SRPK1: variants seen among roughly 807,000 people sequenced by gnomAD.
The protein encoded by SRPK1 is SFRS protein kinase 1.
In SRPK1, 52 loss-of-function variants were observed where a neutral mutation model predicts 89.5. The observed-to-expected ratio is 0.58, with a 90% CI of 0.46 to 0.73. SRPK1 has a LOEUF of 0.73. Among genes scored for constraint, SRPK1 ranks in the 30% least tolerant of loss-of-function variants. The pLI, the probability that SRPK1 is intolerant of heterozygous loss-of-function variation, is 0.00. For missense variants in SRPK1, 603 were observed against 780.6 expected, an observed-to-expected ratio of 0.77 and a Z score of 2.71; for synonymous variants, 255 against 270.2, an observed-to-expected ratio of 0.94 and a Z score of 0.55.
intron 5 of SRPK1, among the ~76,000 whole-genome samples, chr6:35,887,612 G>T (rs1770437262): frequency 6.6e-6 from 1 of 152,010 alleles, no homozygotes; most frequent in East Asian, 1.9e-4. Flanking sequence ...AATGGAATCA[G>T]TAAATACAGT....
chr6:35,916,921 G>C (rs375546376), intron 2 of SRPK1, among the ~76,000 whole-genome samples: 3 of 152,120 alleles, frequency 2.0e-5, no homozygotes, highest in Non-Finnish European at 4.4e-5. Context: ...TTAGCCGGGC[G>C]TGGTGGCAGG....
intron 13 of SRPK1, among the ~76,000 whole-genome samples, chr6:35,846,720 C>T (rs1477945793): frequency 6.6e-6 from 1 of 151,968 alleles, no homozygotes; most frequent in African/African-American, 2.4e-5. Context: ...GACAATATAA[C>T]CTACAAAGAT....
At chr6:35,864,473 GA>G (rs1197867115) in intron 12 of SRPK1, among the ~76,000 whole-genome samples, 2 of 152,236 alleles carry the variant, frequency 1.3e-5, no homozygotes, top group African/African-American at 4.8e-5. Context: ...GACCATCAGA[GA>G]AAGGCAAATC....
intron 13 of SRPK1, among the ~76,000 whole-genome samples, chr6:35,844,423 G>T (rs1245078717): frequency 6.6e-6 from 1 of 152,150 alleles, no homozygotes; most frequent in East Asian, 1.9e-4. Flanking sequence ...CTCAAGAACT[G>T]TAGAGTCCAG....
intron 2 of SRPK1, among the ~76,000 whole-genome samples, chr6:35,902,819 CA>C (rs1269647547): frequency 1.4e-4 from 22 of 152,098 alleles, no homozygotes; most frequent in African/African-American, 5.1e-4. Flanking sequence ...AAGAAAAATG[CA>C]AAATACAATT....
intron 13 of SRPK1, among the ~76,000 whole-genome samples, chr6:35,850,668 C>G (rs1298061501): frequency 2.0e-5 from 3 of 151,904 alleles, no homozygotes; most frequent in Non-Finnish European, 4.4e-5. Context: ...TTCCAAAATG[C>G]ATATGTCTAC....
At chr6:35,854,261 C>G (rs1473181408) in intron 13 of SRPK1, among the ~76,000 whole-genome samples, 1 of 151,954 alleles carries the variant, frequency 6.6e-6, no homozygotes, top group Non-Finnish European at 1.5e-5. Context: ...CCCCTTTTCC[C>G]TTTTTATAAC....
intron 2 of SRPK1, chr6:35,904,866 C>A: frequency 3.2e-6 from 1 of 309,664 alleles, no homozygotes; most frequent in Non-Finnish European, 6.3e-6. Flanking sequence ...GGGCTGGGCA[C>A]TGTGGCTCAC....
chr6:35,880,746 A>AAAAAAAAAG (rs1770263877), intron 6 of SRPK1, among the ~76,000 whole-genome samples: 4 of 89,224 alleles, frequency 4.5e-5, no homozygotes, highest in Non-Finnish European at 6.7e-5. Flanking sequence ...AAAAAAAAAA[A>AAAAAAAAAG]AAAAGAAAAG....
Position 35,842,606 on chromosome 6 carries a change from TA to T in SRPK1, c.1621-3del, listed in dbSNP as rs371577081. 6.0e-3 allele frequency: 7,489 copies of T among 1,255,604 alleles called. No individual in the cohort carries two copies. The highest frequency in any genetic ancestry group is 0.018 in the South Asian group (1,153 of 64,960). The allele number at this position is 1,255,604 out of a possible 1,614,324, so 77.8% of individuals were successfully genotyped here. A position where few individuals can be genotyped will look rare whatever the true frequency, so the allele number is the denominator to read the frequency against. ...GTCACCTGTGGCCAGTTCAAAGGCC[TA>T]AAAAAAAAAGAGGACAGTATATGAA... On this transcript the variant is annotated splice_region_variant and splice_polypyrimidine_tract_variant and intron_variant, in intron 13 of 15. Coordinates refer to ENST00000373825, the MANE Select transcript of SRPK1 (RefSeq NM_003137.5).
chr6:35,859,285 T>C (rs1769727085), intron 12 of SRPK1, among the ~76,000 whole-genome samples: 1 of 152,170 alleles, frequency 6.6e-6, no homozygotes, highest in Admixed American at 6.5e-5. Context: ...TAAAGGTAAA[T>C]ACTGTTAAGG....
intron 2 of SRPK1, among the ~76,000 whole-genome samples, chr6:35,909,656 T>A (rs1193640555): frequency 1.3e-5 from 2 of 152,192 alleles, no homozygotes; most frequent in Non-Finnish European, 2.9e-5. Context: ...AATACCCACA[T>A]GTCATGGGAG....
intron 1 of SRPK1, 34 bp from the exon 2 acceptor site, chr6:35,920,562 T>C (rs751922497): frequency 2.5e-6 from 4 of 1,606,500 alleles, no homozygotes; most frequent in Non-Finnish European, 3.4e-6. Context: ...AGGGCGAATG[T>C]GGAGGAAAGG....
At chr6:35,866,441 C>T (rs1017694901) in intron 12 of SRPK1, among the ~76,000 whole-genome samples, 4 of 152,010 alleles carry the variant, frequency 2.6e-5, no homozygotes, top group Non-Finnish European at 2.9e-5. Context: ...AAAAATTAGC[C>T]GGCTGTGGCG....
At chr6:35,843,528 G>A (rs1444073176) in intron 13 of SRPK1, among the ~76,000 whole-genome samples, 1 of 151,752 alleles carries the variant, frequency 6.6e-6, no homozygotes. Context: ...TCAGCTCACT[G>A]CAACTTCTGC....
At chr6:35,906,114 G>A (rs1028211063) in intron 2 of SRPK1, among the ~76,000 whole-genome samples, 5 of 151,774 alleles carry the variant, frequency 3.3e-5, no homozygotes, top group African/African-American at 1.2e-4. Context: ...AGCAATCAAA[G>A]ACATCTCAGG....
At chr6:35,873,583 G>A (rs960856356) in intron 7 of SRPK1, among the ~76,000 whole-genome samples, 21 of 151,538 alleles carry the variant, frequency 1.4e-4, no homozygotes, top group Admixed American at 4.6e-4. Flanking sequence ...TCCGCCTCCC[G>A]GGTTCAAGCG....
intron 8 of SRPK1, 51 bp from the exon 9 acceptor site, chr6:35,871,010 T>A (rs1770025003): frequency 1.3e-6 from 2 of 1,520,592 alleles, no homozygotes. Flanking sequence ...TCAGGCAATA[T>A]AAACTAAGGC....
At chr6:35,857,627 TTTC>T (rs1254795464) in intron 12 of SRPK1, among the ~76,000 whole-genome samples, 2 of 152,212 alleles carry the variant, frequency 1.3e-5, no homozygotes, top group Non-Finnish European at 2.9e-5. Flanking sequence ...CAACAGCTTT[TTTC>T]TTTTTAAAAA....
Sources: gnomAD v4.1 joint callset for allele counts (sites outside exome capture counted in the v4.1 genomes callset) on GRCh38, gnomAD v4.1.1 for gene constraint, MANE v1.5 for transcripts, NCBI Gene and HGNC (gene_info 2026-07-23, HGNC 2026-07-21) for gene names.